The following ADAM32 variants were observed in gnomAD, a reference collection of about 807,000 sequenced individuals.
ADAM32 encodes the protein ADAM metallopeptidase domain 32.
Under a neutral mutation model 114.9 loss-of-function variants are expected in ADAM32, and 89 were observed. The observed-to-expected ratio is 0.77, with a 90% CI of 0.65 to 0.92. The LOEUF is 0.92. ADAM32 is among the 40% of genes least tolerant of loss of function. ADAM32 has a pLI of 0.00. For missense variants in ADAM32, 870 were observed against 932.8 expected, an observed-to-expected ratio of 0.93 and a Z score of 0.88; for synonymous variants, 285 against 307.5, an observed-to-expected ratio of 0.93 and a Z score of 0.77.
At position 39,151,456 on chromosome 8, in the gene ADAM32, A is replaced by T; in HGVS notation, c.433A>T (p.Lys145Ter). 3.7e-6 allele frequency: 6 copies of T among 1,605,936 alleles called. No individual in the cohort carries two copies. The highest frequency in any genetic ancestry group is 5.1e-6 in the Non-Finnish European group (6 of 1,177,162). ...SAVEFQHVLY[K>*]LKNEDNDIAI... ...AGTTGAATTTCAGCATGTTCTTTAC[A>T]AATTAAAGAATGAAGACAATGATAT... The change falls in exon 6 of 25, where the codon AAA becomes TAA. Residue 145 changes from lysine to a stop codon, truncating the protein, a stop_gained. Transcript: ENST00000379907. LOFTEE classifies it high-confidence loss of function.
In ADAM32 at chr8:39,146,946, C is replaced by G. The variant is rs138769889; in HGVS notation, c.201-184C>G. ...GTTCTTTGTCAAAACTAGTTAATCT[C>G]TCATCTTACAGCATGAAAAGAGCCA... On this transcript the variant is annotated intron_variant, in intron 3 of 24. Transcript: ENST00000379907. Among the ~76,000 whole-genome samples the G allele has an allele frequency of 2.6e-4, 40 of 152,270 alleles. No individual in the cohort carries two copies. In the East Asian group the frequency reaches 7.3e-3, roughly 28 times the overall value.
At chr8:39,144,588 G>T (rs1216313115) in intron 3 of ADAM32, among the ~76,000 whole-genome samples, 1 of 152,192 alleles carries the variant, frequency 6.6e-6, no homozygotes, top group East Asian at 1.9e-4. Context: ...ATGGGGGAGA[G>T]AAGTGTGAGT....
chr8:39,151,689 T>TC, intron 6 of ADAM32, 141 bp downstream of exon 6: 1 of 673,324 alleles, frequency 1.5e-6, no homozygotes, highest in Non-Finnish European at 2.2e-6. Flanking sequence ...TTTTTTTTTT[T>TC]TTCTCACTCT....
chr8:39,167,172 A>G (rs145042018), intron 9 of ADAM32: 97 of 152,186 alleles, frequency 6.4e-4, no homozygotes, highest in African/African-American at 2.2e-3. Flanking sequence ...ATAGTTTCAG[A>G]TCTTAGTTTA....
intron 11 of ADAM32, among the ~76,000 whole-genome samples, chr8:39,197,806 C>A (rs1339457238): frequency 6.6e-6 from 1 of 152,108 alleles, no homozygotes; most frequent in Non-Finnish European, 1.5e-5. Flanking sequence ...TAGATGAAAT[C>A]TTCCATATAT....
chr8:39,194,211 A>G (rs1248365424), intron 11 of ADAM32, among the ~76,000 whole-genome samples: 1 of 152,114 alleles, frequency 6.6e-6, no homozygotes. Flanking sequence ...CCCTCTGTGC[A>G]CACTCGCGTG....
At chr8:39,222,198 GT>G (rs1809018429) in intron 13 of ADAM32, among the ~76,000 whole-genome samples, 1 of 151,916 alleles carries the variant, frequency 6.6e-6, no homozygotes, top group South Asian at 2.1e-4. Flanking sequence ...TAAAGATTAT[GT>G]TTTAGTTTAT....
chr8:39,278,340 T>C (rs1376942352), intron 22 of ADAM32, among the ~76,000 whole-genome samples: 1 of 152,038 alleles, frequency 6.6e-6, no homozygotes, highest in African/African-American at 2.4e-5. Flanking sequence ...AGAAATTCTC[T>C]CTTTGGATGG....
At chr8:39,179,254 T>G (rs963935737) in intron 10 of ADAM32, among the ~76,000 whole-genome samples, 1 of 152,102 alleles carries the variant, frequency 6.6e-6, no homozygotes, top group African/African-American at 2.4e-5. Flanking sequence ...ATGGCCAACT[T>G]GAAGCACAGA....
At chr8:39,181,233 A>T (rs1805867403) in intron 10 of ADAM32, among the ~76,000 whole-genome samples, 1 of 151,922 alleles carries the variant, frequency 6.6e-6, no homozygotes. Flanking sequence ...GAGCTGTAAC[A>T]CTCACCACGA....
intron 2 of ADAM32, 111 bp downstream of exon 2, chr8:39,118,276 T>TA: frequency 1.8e-6 from 1 of 561,194 alleles, no homozygotes; most frequent in Non-Finnish European, 2.8e-6. Context: ...GTCTCTTGTA[T>TA]TTCTACTGAT....
chr8:39,180,375 C>G lies in ADAM32; in HGVS notation c.916-6534C>G, dbSNP rs552863137. ...CATGGGGCAGGCCTCCGGACTGCAG[C>G]CCGCCATGCCTAAGCCTCCCCCGCC... On this transcript the variant is annotated intron_variant, in intron 10 of 24. Coordinates refer to ENST00000379907, the MANE Select transcript of ADAM32 (RefSeq NM_145004.7). Among the ~76,000 whole-genome samples, 6 of 152,354 alleles carry G rather than the reference C, an allele frequency of 3.9e-5. No homozygotes were observed. In the South Asian group the frequency reaches 1.2e-3, roughly 32 times the overall value.
At chr8:39,154,147 G>A (rs1406665685) in intron 6 of ADAM32, among the ~76,000 whole-genome samples, 4 of 151,496 alleles carry the variant, frequency 2.6e-5, no homozygotes, top group Non-Finnish European at 2.9e-5. Context: ...CTATCAACCC[G>A]TCATCTACAT....
At chr8:39,147,442 TA>T (rs1289620662) in intron 4 of ADAM32, among the ~76,000 whole-genome samples, 4 of 151,912 alleles carry the variant, frequency 2.6e-5, no homozygotes, top group Admixed American at 6.6e-5. Flanking sequence ...TTAAATAAAA[TA>T]TTTATTATTT....
intron 10 of ADAM32, among the ~76,000 whole-genome samples, chr8:39,181,640 T>G (rs1052922493): frequency 6.6e-6 from 1 of 152,232 alleles, no homozygotes; most frequent in Non-Finnish European, 1.5e-5. Flanking sequence ...CAAGTCATTA[T>G]GAAGTGAAAA....
chr8:39,244,619 C>T (rs764221947), intron 16 of ADAM32, among the ~76,000 whole-genome samples: 3 of 152,150 alleles, frequency 2.0e-5, no homozygotes, highest in Non-Finnish European at 4.4e-5. Flanking sequence ...AAACTGGATC[C>T]TCATCTCTCA....
At chr8:39,157,603 G>A (rs1804220349) in intron 6 of ADAM32, 2 of 555,148 alleles carry the variant, frequency 3.6e-6, no homozygotes, top group African/African-American at 1.9e-5. Flanking sequence ...TCTTCTCCAT[G>A]GTTTGGAAGC....
chr8:39,232,193 T>C (rs1228835456), intron 15 of ADAM32, 58 bp downstream of exon 15: 8 of 1,398,634 alleles, frequency 5.7e-6, no homozygotes, highest in Non-Finnish European at 7.9e-6. Flanking sequence ...TTTTAAAAAC[T>C]TTGCCCCCTT....
At chr8:39,164,943 G>A in intron 8 of ADAM32, 87 bp from the exon 9 acceptor site, 1 of 1,494,566 alleles carries the variant, frequency 6.7e-7, no homozygotes, top group Admixed American at 2.1e-5. Flanking sequence ...TAAACTGAGT[G>A]TGGGATTGTA....
Sources: gnomAD v4.1 joint callset for allele counts (sites outside exome capture counted in the v4.1 genomes callset) on GRCh38, gnomAD v4.1.1 for gene constraint, MANE v1.5 for transcripts, NCBI Gene and HGNC (gene_info 2026-07-23, HGNC 2026-07-21) for gene names.